Variants in AGBL4 observed in about 807,000 individuals in gnomAD.
AGBL4 encodes the protein cytosolic carboxypeptidase 6.
In AGBL4, 58 loss-of-function variants were observed where a neutral mutation model predicts 66.4. The ratio of observed to expected loss-of-function variants is 0.87; its 90% CI spans 0.71 to 1.09. AGBL4 has a LOEUF of 1.09. AGBL4 is among the 50% of genes least tolerant of loss of function. The pLI, the probability that AGBL4 is intolerant of heterozygous loss-of-function variation, is 0.00. For missense variants in AGBL4, 579 were observed against 631.0 expected (o/e 0.92, Z 0.88); for synonymous variants, 234 against 222.9 (o/e 1.05, Z -0.44).
At chr1:50,010,371 C>A (rs1341592392) in intron 1 of AGBL4, among the ~76,000 whole-genome samples, 1 of 151,722 alleles carries the variant, frequency 6.6e-6, no homozygotes, top group Non-Finnish European at 1.5e-5. Flanking sequence ...TTCATACTAT[C>A]CAAAGCAATC....
intron 2 of AGBL4, among the ~76,000 whole-genome samples, chr1:49,734,231 C>T (rs1571431922): frequency 6.6e-6 from 1 of 151,818 alleles, no homozygotes; most frequent in East Asian, 1.9e-4. Context: ...AATGTTGACT[C>T]TTGCTATTAA....
chr1:48,950,278 A>G (rs1370879488), intron 5 of AGBL4, among the ~76,000 whole-genome samples: 2 of 152,016 alleles, frequency 1.3e-5, no homozygotes, highest in African/African-American at 2.4e-5. Context: ...TTGTATCTTT[A>G]GTAGAAAGGG....
At chr1:49,095,222 G>A (rs1341843118) in intron 4 of AGBL4, among the ~76,000 whole-genome samples, 1 of 152,166 alleles carries the variant, frequency 6.6e-6, no homozygotes, top group Non-Finnish European at 1.5e-5. Flanking sequence ...ATGCTCATGG[G>A]TAGGAAGAAT....
chr1:49,006,174 G>A (rs183365280), intron 5 of AGBL4, among the ~76,000 whole-genome samples: 18 of 152,194 alleles, frequency 1.2e-4, no homozygotes, highest in South Asian at 6.2e-4. Context: ...TGCGTGCACC[G>A]TGCGCGAGCC....
Position 48,697,311 on chromosome 1 carries a change from C to T in AGBL4, c.635-34070G>A, listed in dbSNP as rs571897195. 1.4e-4 allele frequency among the ~76,000 whole-genome samples: 22 copies of T among 152,242 alleles called. No homozygotes were observed. The South Asian group carries it at 3.3e-3, about 23-fold the overall frequency. ...CACCTGCTGGTGACTTCCAGCATGG[C>T]GCCCTGAGAATCCACTTTGTTCTTT... On this transcript the variant is annotated intron_variant, in intron 6 of 13. Transcript: ENST00000371839.
At chr1:49,927,592 G>A (rs1158897292) in intron 1 of AGBL4, among the ~76,000 whole-genome samples, 7 of 152,204 alleles carry the variant, frequency 4.6e-5, no homozygotes, top group East Asian at 1.9e-4. Flanking sequence ...TAGGGATTAT[G>A]GGGATTACAA....
In AGBL4 at chr1:50,018,243, A is replaced by T. The variant is rs116689847; in HGVS notation, c.34+5520T>A. Among the ~76,000 whole-genome samples, 805 of 152,286 alleles carry T rather than the reference A, an allele frequency of 5.3e-3. 3 individuals carry two copies. The highest frequency in any genetic ancestry group is 0.017 in the Middle Eastern group (5 of 294). On this transcript the variant is annotated intron_variant, in intron 1 of 13. Transcript: ENST00000371839. ...AGTCTGTTTAGAGACTCAAAAGTAT[A>T]CACCCAACAGTTCTTAAATACATAT...
At chr1:49,069,856 A>G (rs1173081388) in intron 4 of AGBL4, among the ~76,000 whole-genome samples, 2 of 151,954 alleles carry the variant, frequency 1.3e-5, no homozygotes, top group South Asian at 2.1e-4. Flanking sequence ...GATTCTTTCT[A>G]TACATAAGCA....
chr1:48,927,493 G>A (rs145032921), intron 5 of AGBL4, among the ~76,000 whole-genome samples: 2 of 152,272 alleles, frequency 1.3e-5, no homozygotes, highest in African/African-American at 4.8e-5. Flanking sequence ...AGATTTGGGT[G>A]GGGATACAGC....
intron 6 of AGBL4, among the ~76,000 whole-genome samples, chr1:48,706,477 A>G (rs1269039558): frequency 1.3e-5 from 2 of 152,126 alleles, no homozygotes; most frequent in East Asian, 3.8e-4. Flanking sequence ...AATTGAAATC[A>G]CTTTTCTAAA....
intron 5 of AGBL4, among the ~76,000 whole-genome samples, chr1:48,996,347 ATG>A (rs1660991043): frequency 6.6e-6 from 1 of 152,204 alleles, no homozygotes; most frequent in Non-Finnish European, 1.5e-5. Context: ...TATGTGGAAA[ATG>A]AGTATAGCTG....
chr1:49,335,547 G>A (rs1164820221), intron 3 of AGBL4, among the ~76,000 whole-genome samples: 4 of 150,330 alleles, frequency 2.7e-5, no homozygotes, highest in East Asian at 2.0e-4. Flanking sequence ...ATGGAGTCTC[G>A]CTCTGTTGCC....
intron 3 of AGBL4, among the ~76,000 whole-genome samples, chr1:49,293,751 A>T (rs1266062623): frequency 1.3e-5 from 2 of 152,238 alleles, no homozygotes; most frequent in Non-Finnish European, 2.9e-5. Flanking sequence ...ATGTATGTAG[A>T]AATAGTTGTC....
chr1:49,520,092 G>A (rs1031572146), intron 3 of AGBL4, among the ~76,000 whole-genome samples: 2 of 151,976 alleles, frequency 1.3e-5, no homozygotes, highest in Non-Finnish European at 2.9e-5. Flanking sequence ...CAAGATCAGC[G>A]TTGGAGACAA....
intron 5 of AGBL4, among the ~76,000 whole-genome samples, chr1:48,931,844 G>A (rs1349164783): frequency 2.6e-5 from 4 of 152,072 alleles, no homozygotes; most frequent in Admixed American, 6.6e-5. Context: ...ATCTGAAACC[G>A]TATTATTTAT....
chr1:49,770,891 GT>G (rs1387733685), intron 2 of AGBL4, among the ~76,000 whole-genome samples: 1 of 151,610 alleles, frequency 6.6e-6, no homozygotes, highest in African/African-American at 2.4e-5. Context: ...ATTTATTTGG[GT>G]CTTTCCTCTT....
chr1:49,312,465 A>G (rs1282561262), intron 3 of AGBL4, among the ~76,000 whole-genome samples: 1 of 152,072 alleles, frequency 6.6e-6, no homozygotes, highest in African/African-American at 2.4e-5. Context: ...GAATGGACTA[A>G]GACAATATCC....
intron 3 of AGBL4, among the ~76,000 whole-genome samples, chr1:49,696,814 T>A (rs1046001400): frequency 1.3e-5 from 2 of 152,110 alleles, no homozygotes; most frequent in Admixed American, 6.6e-5. Context: ...GTAAATATGG[T>A]TCCGAGTTTC....
In AGBL4 at chr1:49,557,049, G is replaced by C. The variant is rs116930380; in HGVS notation, c.282+140264C>G. On this transcript the variant is annotated intron_variant, in intron 3 of 13. Transcript: ENST00000371839. ...GCTCACTCGGAACTCGCACTGGCCC[G>C]TGATTGCTGCGTGCAGCCCTGGTTC... Among the ~76,000 whole-genome samples the C allele has an allele frequency of 7.6e-3, 1,149 of 152,176 alleles. 9 individuals are homozygous for C. Among genetic ancestry groups the C allele is most frequent in the Middle Eastern group, 0.031 (9 of 294 alleles).
Sources: gnomAD v4.1 joint callset for allele counts (sites outside exome capture counted in the v4.1 genomes callset) on GRCh38, gnomAD v4.1.1 for gene constraint, MANE v1.5 for transcripts, NCBI Gene and HGNC (gene_info 2026-07-23, HGNC 2026-07-21) for gene names.